THRA: variants seen among roughly 807,000 people sequenced by gnomAD.
The protein encoded by THRA is thyroid hormone receptor alpha, also known as EAR-7.
THRA carries 13 observed loss-of-function variants against 45.0 expected under a neutral mutation model. The ratio of observed to expected loss-of-function variants is 0.29; its 90% CI spans 0.19 to 0.46. The LOEUF is 0.46. Ranked by LOEUF, THRA falls within the 20% of genes least tolerant of loss-of-function variation. The pLI, the probability that THRA is intolerant of heterozygous loss-of-function variation, is 1.00. For missense variants in THRA, 278 were observed against 556.1 expected, an observed-to-expected ratio of 0.50 and a Z score of 5.03; for synonymous variants, 195 against 214.0, an observed-to-expected ratio of 0.91 and a Z score of 0.78.
chr17:40,090,701 C>A lies in THRA; in HGVS notation c.*1245C>A, dbSNP rs1158264035. 1 of 152,370 alleles carries A rather than the reference C, an allele frequency of 6.6e-6. No homozygotes were observed. The highest frequency in any genetic ancestry group is 1.5e-5 in the Non-Finnish European group (1 of 68,172). The allele number at this position is 152,370 out of a possible 1,614,324, so 9.4% of individuals were successfully genotyped here. A position where few individuals can be genotyped will look rare whatever the true frequency, so the allele number is the denominator to read the frequency against. Reference sequence around the variant, plus strand: ...CCAGCTCCTACTCACTGCACTAACTCTGGGCGGGCAGGTACCAGAATGGGG... The same window carrying A: ...CCAGCTCCTACTCACTGCACTAACTATGGGCGGGCAGGTACCAGAATGGGG... On this transcript the variant is annotated 3_prime_UTR_variant, in exon 9 of 9. Transcript: ENST00000450525.
At chr17:40,083,009 G>A (rs906004096) in intron 4 of THRA, among the ~76,000 whole-genome samples, 2 of 149,038 alleles carry the variant, frequency 1.3e-5, no homozygotes, top group Non-Finnish European at 3.0e-5. Context: ...CTCGTGGCAA[G>A]CTCCACCTCC....
chr17:40,088,178 A>AGG (rs1987399993), intron 7 of THRA, 64 bp from the exon 8 acceptor site: 1 of 1,537,798 alleles, frequency 6.5e-7, no homozygotes. Context: ...AGGACACTCT[A>AGG]GGGGAGACTC....
In THRA at chr17:40,085,359, G is replaced by A. The variant is rs529008418; in HGVS notation, c.576+544G>A. Among the ~76,000 whole-genome samples the A allele has an allele frequency of 5.3e-5, 8 of 150,554 alleles. No individual in the cohort carries two copies. In the East Asian group the frequency reaches 5.8e-4, roughly 11 times the overall value. Reference sequence around the variant, plus strand: ...GAATAATTTTTTTTTTTTTTGATACGGAGTCTCACTCTCACCCAGGCTAGA... The same window carrying A: ...GAATAATTTTTTTTTTTTTTGATACAGAGTCTCACTCTCACCCAGGCTAGA... On this transcript the variant is annotated intron_variant, in intron 6 of 8. Transcript: ENST00000450525.
At chr17:40,079,106 C>T (rs938198702) in intron 4 of THRA, among the ~76,000 whole-genome samples, 2 of 152,110 alleles carry the variant, frequency 1.3e-5, no homozygotes, top group Non-Finnish European at 2.9e-5. Context: ...AACAGAATCC[C>T]GGAGTGTTTC....
At chr17:40,062,882 G>T (rs1436217219), upstream of THRA, 4 of 148,334 alleles carry the variant, frequency 2.7e-5, no homozygotes, top group African/African-American at 9.8e-5. Flanking sequence ...AGCGGGGCGG[G>T]GGAGGGAGGA....
At chr17:40,062,963 T>G (rs1986409818), upstream of THRA, 1 of 147,562 alleles carries the variant, frequency 6.8e-6, no homozygotes, top group South Asian at 2.1e-4. Flanking sequence ...CCCCCCGCGC[T>G]CACTCGCACT....
downstream of THRA, chr17:40,093,789 G>T: frequency 1.2e-6 from 1 of 827,782 alleles, no homozygotes; most frequent in Non-Finnish European, 1.9e-6. This position sits in a 1 kb window ranked among gnomAD's most constrained non-coding sequence, Gnocchi z 5.9. Flanking sequence ...GACTGTGTCT[G>T]AATCATGTCT....
rs563078654 is a variant in THRA, at chr17:40,064,668, G to A, written c.-298+1576G>A. On this transcript the variant is annotated intron_variant, in intron 1 of 8. Coordinates refer to ENST00000450525, the MANE Select transcript of THRA (RefSeq NM_199334.5). ...CAATGACATGTTCTTGGTCTCTATCGCTTGAGATACCACCCTACTAGACAG... is the reference window on the plus strand; with the variant it reads ...CAATGACATGTTCTTGGTCTCTATCACTTGAGATACCACCCTACTAGACAG... 5.3e-5 allele frequency among the ~76,000 whole-genome samples: 8 copies of A among 152,312 alleles called. No individual in the cohort carries two copies. The South Asian group carries it at 1.0e-3, about 20-fold the overall frequency.
At chr17:40,069,584 C>T (rs535978135) in intron 1 of THRA, among the ~76,000 whole-genome samples, 2 of 152,200 alleles carry the variant, frequency 1.3e-5, no homozygotes, top group East Asian at 1.9e-4. Context: ...TCCAATTACC[C>T]GCTGGCTGCT....
chr17:40,074,676 TTGTC>T, intron 2 of THRA, 135 bp downstream of exon 2: 1 of 884,018 alleles, frequency 1.1e-6, no homozygotes, highest in Non-Finnish European at 1.8e-6. Flanking sequence ...CTGCCTACCT[TTGTC>T]TGGCAGATGA....
chr17:40,067,613 T>G (rs1441067059), intron 1 of THRA, among the ~76,000 whole-genome samples: 1 of 152,128 alleles, frequency 6.6e-6, no homozygotes, highest in African/African-American at 2.4e-5. Context: ...GTGATCAGGA[T>G]CCCCTCTCCA....
intron 4 of THRA, among the ~76,000 whole-genome samples, chr17:40,083,598 T>C (rs1033217914): frequency 7.2e-5 from 11 of 152,226 alleles, no homozygotes; most frequent in Non-Finnish European, 1.5e-4. Context: ...TTCCTGCCTC[T>C]GCCACAAACA....
At chr17:40,062,881 G>T (rs947013137), upstream of THRA, 1 of 148,274 alleles carries the variant, frequency 6.7e-6, no homozygotes, top group African/African-American at 2.4e-5. Context: ...GAGCGGGGCG[G>T]GGGAGGGAGG....
At position 40,092,781 on chromosome 17, in the gene THRA, A is replaced by C; in HGVS notation, c.*3325A>C. The C allele has an allele frequency of 2.5e-6, 1 of 407,720 alleles. No homozygotes were observed. Among genetic ancestry groups the C allele is most frequent in the Non-Finnish European group, 4.0e-6 (1 of 246,948 alleles). 25.3% of individuals were successfully genotyped at this position (407,720 alleles called of 1,614,324 possible). A position where few individuals can be genotyped will look rare whatever the true frequency, so the allele number is the denominator to read the frequency against. ...CCCACCCCCCAAACGAGCACACACC[A>C]CAGAAGCCAGCTCAGCTGTGAACTA... On this transcript the variant is annotated 3_prime_UTR_variant, in exon 9 of 9. Coordinates refer to ENST00000450525, the MANE Select transcript of THRA (RefSeq NM_199334.5).
At chr17:40,070,142 C>T (rs942385901) in intron 1 of THRA, among the ~76,000 whole-genome samples, 1 of 152,004 alleles carries the variant, frequency 6.6e-6, no homozygotes, top group Non-Finnish European at 1.5e-5. Context: ...AGTCACTGCC[C>T]CCCAGCTCCA....
intron 1 of THRA, among the ~76,000 whole-genome samples, chr17:40,065,926 A>C (rs1343014983): frequency 6.6e-6 from 1 of 152,216 alleles, no homozygotes; most frequent in Non-Finnish European, 1.5e-5. Flanking sequence ...CCCAAGCTGG[A>C]AAAGAACCGC....
chr17:40,084,102 A>G, intron 5 of THRA, 120 bp downstream of exon 5: 2 of 1,210,280 alleles, frequency 1.7e-6, no homozygotes, highest in Non-Finnish European at 2.2e-6. Context: ...AATCCAGTCT[A>G]GGTCAGAATG....
intron 1 of THRA, among the ~76,000 whole-genome samples, chr17:40,069,163 C>T (rs1035854067): frequency 1.4e-5 from 2 of 143,746 alleles, no homozygotes; most frequent in Admixed American, 1.4e-4. Flanking sequence ...CTCTCTGTCT[C>T]TCCCTCCTTC....
chr17:40,066,000 ATGGCC>A (rs1427993849), intron 1 of THRA, among the ~76,000 whole-genome samples: 1 of 152,184 alleles, frequency 6.6e-6, no homozygotes, highest in East Asian at 1.9e-4. Context: ...AGGGCTCACA[ATGGCC>A]TTTCTCCACA....
Sources: allele counts gnomAD v4.1 joint callset (sites outside exome capture counted in the v4.1 genomes callset), GRCh38; gene constraint gnomAD v4.1.1; non-coding constraint Gnocchi (gnomAD v3.1); transcripts MANE v1.5; gene names NCBI Gene and HGNC (gene_info 2026-07-23, HGNC 2026-07-21).